SLC25A13: variants seen among roughly 807,000 people sequenced by gnomAD.
The protein encoded by SLC25A13 is solute carrier family 25 member 13, also known as electrogenic aspartate/glutamate antiporter SLC25A13, mitochondrial.
In SLC25A13, 70 loss-of-function variants were observed where a neutral mutation model predicts 85.5. That is an observed-to-expected ratio of 0.82 (90% confidence interval 0.68 to 1.00). SLC25A13 has a LOEUF of 1.00. Ranked by LOEUF, SLC25A13 falls within the 50% of genes least tolerant of loss-of-function variation. The pLI, the probability that SLC25A13 is intolerant of heterozygous loss-of-function variation, is 0.00. For missense variants in SLC25A13, 765 were observed against 819.8 expected, an observed-to-expected ratio of 0.93 and a Z score of 0.82; for synonymous variants, 259 against 288.7, an observed-to-expected ratio of 0.90 and a Z score of 1.04.
chr7:96,133,563 T>C (rs1792133780), intron 14 of SLC25A13, among the ~76,000 whole-genome samples: 1 of 152,228 alleles, frequency 6.6e-6, no homozygotes, highest in South Asian at 2.1e-4. Context: ...AGTATAATGT[T>C]AATAACTGTG....
chr7:96,306,926 C>A, intron 1 of SLC25A13: 1 of 966,002 alleles, frequency 1.0e-6, no homozygotes, highest in Non-Finnish European at 1.7e-6. Flanking sequence ...TGCCTGGAGC[C>A]AGTCCCACCA....
At chr7:96,140,611 G>A (rs1429601807) in intron 14 of SLC25A13, among the ~76,000 whole-genome samples, 2 of 151,544 alleles carry the variant, frequency 1.3e-5, no homozygotes, top group Non-Finnish European at 2.9e-5. Context: ...CACCATGTTA[G>A]CCAGGATGGT....
intron 2 of SLC25A13, among the ~76,000 whole-genome samples, chr7:96,289,582 A>C (rs997923808): frequency 6.6e-6 from 1 of 152,224 alleles, no homozygotes; most frequent in African/African-American, 2.4e-5. Context: ...ATGGAGCTGA[A>C]AACCATGGCA....
At chr7:96,193,590 C>G (rs1268565951) in intron 5 of SLC25A13, among the ~76,000 whole-genome samples, 4 of 152,216 alleles carry the variant, frequency 2.6e-5, no homozygotes, top group Non-Finnish European at 5.9e-5. Flanking sequence ...GAGAAAAATT[C>G]TTAACTGCAA....
intron 11 of SLC25A13, among the ~76,000 whole-genome samples, chr7:96,183,609 A>G (rs1199730687): frequency 1.3e-5 from 2 of 152,222 alleles, no homozygotes; most frequent in African/African-American, 4.8e-5. Flanking sequence ...CCTTCGGCCA[A>G]TGCCAGTGGA....
At chr7:96,247,384 T>A (rs764257001) in intron 3 of SLC25A13, among the ~76,000 whole-genome samples, 7 of 152,284 alleles carry the variant, frequency 4.6e-5, no homozygotes, top group Non-Finnish European at 1.0e-4. Flanking sequence ...ATGTGTTGAT[T>A]TCAGATTGAA....
intron 1 of SLC25A13, among the ~76,000 whole-genome samples, chr7:96,316,994 G>C (rs1358431446): frequency 6.6e-6 from 1 of 152,072 alleles, no homozygotes; most frequent in African/African-American, 2.4e-5. Context: ...TTTTGAGACA[G>C]AGTCTTGCTC....
chr7:96,275,151 C>T (rs1006419187), intron 3 of SLC25A13, among the ~76,000 whole-genome samples: 6 of 152,106 alleles, frequency 3.9e-5, no homozygotes, highest in Non-Finnish European at 7.4e-5. Context: ...GAATGTTCTT[C>T]CATTTGTTTG....
intron 2 of SLC25A13, among the ~76,000 whole-genome samples, chr7:96,289,313 C>T (rs577153313): frequency 6.6e-6 from 1 of 152,164 alleles, no homozygotes; most frequent in Admixed American, 6.5e-5. Flanking sequence ...GGGGAAAAAA[C>T]AGAGCAGAAA....
At chr7:96,247,749 G>A (rs1247928066) in intron 3 of SLC25A13, among the ~76,000 whole-genome samples, 1 of 152,008 alleles carries the variant, frequency 6.6e-6, no homozygotes, top group East Asian at 1.9e-4. Flanking sequence ...TACATTTAAA[G>A]TGTACAATGT....
At chr7:96,313,402 T>C (rs1356660483) in intron 1 of SLC25A13, among the ~76,000 whole-genome samples, 3 of 152,174 alleles carry the variant, frequency 2.0e-5, no homozygotes, top group Non-Finnish European at 4.4e-5. Context: ...GAAAATGTGG[T>C]ATATATCCAC....
chr7:96,286,040 T>C (rs1488685272), intron 2 of SLC25A13, among the ~76,000 whole-genome samples: 1 of 152,102 alleles, frequency 6.6e-6, no homozygotes, highest in Non-Finnish European at 1.5e-5. Flanking sequence ...ATCCCAGCAC[T>C]TTGGGAGGCC....
chr7:96,288,966 G>A (rs893199276), intron 2 of SLC25A13, among the ~76,000 whole-genome samples: 3 of 152,166 alleles, frequency 2.0e-5, no homozygotes, highest in Non-Finnish European at 2.9e-5. Context: ...TGCCTCAAGT[G>A]AGACCCTGAG....
intron 1 of SLC25A13, among the ~76,000 whole-genome samples, chr7:96,318,511 T>C (rs917891315): frequency 6.6e-6 from 1 of 152,218 alleles, no homozygotes; most frequent in African/African-American, 2.4e-5. Context: ...TGGACACTTT[T>C]TGAGATAATC....
chr7:96,215,110 A>G (rs1795839987), intron 4 of SLC25A13, among the ~76,000 whole-genome samples: 1 of 152,160 alleles, frequency 6.6e-6, no homozygotes, highest in East Asian at 1.9e-4. Context: ...ATCTTGAAAA[A>G]GAAGAACAGA....
chr7:96,298,009 C>T (rs1799409701), intron 1 of SLC25A13, among the ~76,000 whole-genome samples: 2 of 152,276 alleles, frequency 1.3e-5, no homozygotes, highest in South Asian at 4.1e-4. Flanking sequence ...TGGAACCAAA[C>T]AGTGGGTTTA....
chr7:96,125,912 T>C (rs1791709190), intron 15 of SLC25A13, among the ~76,000 whole-genome samples: 1 of 152,132 alleles, frequency 6.6e-6, no homozygotes, highest in Admixed American at 6.5e-5. Context: ...TTCAAATCTC[T>C]CTGAGGACTC....
chr7:96,277,195 C>G lies in SLC25A13; in HGVS notation c.212+1G>C, dbSNP rs747616169. The G allele has an allele frequency of 2.5e-6, 4 of 1,570,490 alleles. No homozygotes were observed. Among genetic ancestry groups the G allele is most frequent in the Non-Finnish European group, 3.5e-6 (4 of 1,156,830 alleles). Reference sequence around the variant, plus strand: ...AATAAAATAATTAAAAATAAACATACCCATCTTTGGTCTGATCCACCACTC... The same window carrying G: ...AATAAAATAATTAAAAATAAACATAGCCATCTTTGGTCTGATCCACCACTC... On this transcript the variant is annotated splice_donor_variant, in intron 3 of 17. Transcript: ENST00000265631. LOFTEE classifies it high-confidence loss of function.
chr7:96,221,862 C>T (rs1796142040), intron 4 of SLC25A13, among the ~76,000 whole-genome samples: 1 of 152,108 alleles, frequency 6.6e-6, no homozygotes, highest in Admixed American at 6.5e-5. Flanking sequence ...CTAAGTTGAA[C>T]TCAGAAAGGG....
Sources: allele counts gnomAD v4.1 joint callset (sites outside exome capture counted in the v4.1 genomes callset), GRCh38; gene constraint gnomAD v4.1.1; transcripts MANE v1.5; gene names NCBI Gene and HGNC (gene_info 2026-07-23, HGNC 2026-07-21).